The following CA10 variants were observed in gnomAD, a reference collection of about 807,000 sequenced individuals.
CA10 encodes carbonic anhydrase-related protein 10.
Under a neutral mutation model 44.2 loss-of-function variants are expected in CA10, and 14 were observed. The observed-to-expected ratio is 0.32, with a 90% CI of 0.21 to 0.50. The LOEUF (loss-of-function observed/expected upper bound fraction) is 0.50, where lower values mean the gene tolerates loss of function less well. Ranked by LOEUF, CA10 falls within the 20% of genes least tolerant of loss-of-function variation. CA10 has a pLI of 0.99. For missense variants in CA10, 350 were observed against 409.7 expected (o/e 0.85, Z 1.26); for synonymous variants, 159 against 141.6 (o/e 1.12, Z -0.87).
intron 2 of CA10, among the ~76,000 whole-genome samples, chr17:52,011,271 A>G (rs1032507152): frequency 3.3e-5 from 5 of 152,002 alleles, no homozygotes; most frequent in Admixed American, 6.6e-5. Flanking sequence ...CATAGTCAGC[A>G]ATCCTGGGCT....
intron 2 of CA10, among the ~76,000 whole-genome samples, chr17:51,952,260 A>C (rs1337652123): frequency 1.3e-5 from 2 of 152,204 alleles, no homozygotes; most frequent in African/African-American, 4.8e-5. Context: ...TGGGTGGTGA[A>C]ACAACAGAAC....
chr17:51,786,225 T>G (rs1906275200), intron 3 of CA10, among the ~76,000 whole-genome samples: 1 of 151,596 alleles, frequency 6.6e-6, no homozygotes, highest in African/African-American at 2.4e-5. Flanking sequence ...TGTGTGTGTG[T>G]GTGTGTGTGT....
rs2143793209 is a variant in CA10 at position 51,835,028 on chromosome 17, G to A, written c.280-87210C>T. On this transcript the variant is annotated intron_variant, in intron 3 of 8. Coordinates refer to ENST00000451037, the MANE Select transcript of CA10 (RefSeq NM_020178.5). ...CCAACCCTTCCCTGCTACTCTAGCTGTATATAGGAAGAATATGAGAGAATT... is the reference window on the plus strand; with the variant it reads ...CCAACCCTTCCCTGCTACTCTAGCTATATATAGGAAGAATATGAGAGAATT... Among the ~76,000 whole-genome samples, 3 of 152,304 alleles carry A rather than the reference G, an allele frequency of 2.0e-5. 1 individual carries two copies. Among genetic ancestry groups the A allele is most frequent in the Middle Eastern group, 6.8e-3 (2 of 294 alleles).
intron 2 of CA10, among the ~76,000 whole-genome samples, chr17:52,006,454 A>T (rs1002580371): frequency 1.3e-5 from 2 of 151,842 alleles, no homozygotes; most frequent in South Asian, 4.1e-4. Context: ...TCTTTCAACA[A>T]ATCTCTCTTT....
intron 3 of CA10, among the ~76,000 whole-genome samples, chr17:51,786,696 G>A (rs749995712): frequency 5.9e-5 from 9 of 151,948 alleles, no homozygotes; most frequent in Non-Finnish European, 7.4e-5. Flanking sequence ...TAAAAACATT[G>A]AGTACTAACA....
intron 3 of CA10, among the ~76,000 whole-genome samples, chr17:51,887,843 CAAAAAAAAAAAGA>C (rs1253403699): frequency 2.0e-4 from 17 of 83,666 alleles, no homozygotes; most frequent in Non-Finnish European, 3.3e-4. Context: ...ACTAAAAATA[CAAAAAAAAAAAGA>C]AAAAAAAAAA....
intron 3 of CA10, among the ~76,000 whole-genome samples, chr17:51,803,916 G>T (rs893522132): frequency 6.6e-6 from 1 of 152,206 alleles, no homozygotes; most frequent in Admixed American, 6.5e-5. Context: ...TATGAATTGT[G>T]TAGTAGTTAA....
intron 2 of CA10, among the ~76,000 whole-genome samples, chr17:52,058,240 C>A (rs1987283699): frequency 6.6e-6 from 1 of 152,072 alleles, no homozygotes; most frequent in Admixed American, 6.6e-5. Context: ...GATCAGGTTG[C>A]TTTTATACAA....
At chr17:52,053,715 G>A (rs145729228) in intron 2 of CA10, among the ~76,000 whole-genome samples, 292 of 152,178 alleles carry the variant, frequency 1.9e-3, no homozygotes, top group African/African-American at 6.6e-3. Context: ...CAGGGACCCC[G>A]AATGGAGGGA....
At chr17:51,968,636 G>C (rs989812475) in intron 2 of CA10, among the ~76,000 whole-genome samples, 2 of 151,844 alleles carry the variant, frequency 1.3e-5, no homozygotes, top group Admixed American at 6.6e-5. Context: ...TGAGTGAACT[G>C]TTCTGTATCC....
intron 4 of CA10, among the ~76,000 whole-genome samples, chr17:51,736,398 T>G (rs886257951): frequency 1.3e-5 from 2 of 151,526 alleles, no homozygotes; most frequent in South Asian, 4.1e-4. Context: ...GGATGACCAT[T>G]TGAGTCCACA....
intron 2 of CA10, among the ~76,000 whole-genome samples, chr17:52,051,773 A>C (rs1357328196): frequency 6.6e-6 from 1 of 152,164 alleles, no homozygotes; most frequent in East Asian, 1.9e-4. Flanking sequence ...CAGCCCCATT[A>C]CTGAGTATAT....
chr17:52,113,229 T>C (rs1447653679), intron 1 of CA10, among the ~76,000 whole-genome samples: 2 of 152,244 alleles, frequency 1.3e-5, no homozygotes, highest in African/African-American at 4.8e-5. Context: ...GCCCAGCCTC[T>C]GTAAGGTAGG....
At chr17:51,934,598 A>C (rs937424173) in intron 2 of CA10, among the ~76,000 whole-genome samples, 4 of 152,142 alleles carry the variant, frequency 2.6e-5, no homozygotes, top group African/African-American at 9.7e-5. Context: ...GGAGCCATAC[A>C]ACCATGGAGT....
intron 4 of CA10, among the ~76,000 whole-genome samples, chr17:51,739,269 G>A (rs185582864): frequency 2.6e-5 from 4 of 152,058 alleles, no homozygotes; most frequent in Admixed American, 2.0e-4. Flanking sequence ...TGTTGTGAGC[G>A]GTACTCATGC....
chr17:51,680,704 G>C (rs141819286), intron 4 of CA10, among the ~76,000 whole-genome samples: 32 of 152,260 alleles, frequency 2.1e-4, no homozygotes, highest in African/African-American at 7.7e-4. Flanking sequence ...ATAGTTCTGG[G>C]CAAGGTCACA....
chr17:51,915,408 G>T (rs902099598), intron 3 of CA10, among the ~76,000 whole-genome samples: 1 of 152,120 alleles, frequency 6.6e-6, no homozygotes, highest in African/African-American at 2.4e-5. Context: ...GATTGATTCC[G>T]ATCTATTAAA....
chr17:51,817,461 CTCTT>C (rs923495171), intron 3 of CA10, among the ~76,000 whole-genome samples: 42 of 152,262 alleles, frequency 2.8e-4, no homozygotes, highest in African/African-American at 9.6e-4. Flanking sequence ...GCATGGCAGA[CTCTT>C]TATGCAGATA....
chr17:51,966,379 C>A (rs1396422784), intron 2 of CA10, among the ~76,000 whole-genome samples: 1 of 151,658 alleles, frequency 6.6e-6, no homozygotes, highest in East Asian at 1.9e-4. Context: ...ATATGAAACT[C>A]AAAAAGAGCC....
Sources: gnomAD v4.1 joint callset for allele counts (sites outside exome capture counted in the v4.1 genomes callset) on GRCh38, gnomAD v4.1.1 for gene constraint, MANE v1.5 for transcripts, NCBI Gene and HGNC (gene_info 2026-07-23, HGNC 2026-07-21) for gene names.